Variants in RELCH observed in about 807,000 individuals in gnomAD.
The protein encoded by RELCH is RAB11-binding protein RELCH.
Under a neutral mutation model 150.3 loss-of-function variants are expected in RELCH, and 41 were observed. That is an observed-to-expected ratio of 0.27 (90% CI 0.21 to 0.35). The LOEUF is 0.35. Among genes scored for constraint, RELCH ranks in the 10% least tolerant of loss-of-function variants. The pLI, the probability that RELCH is intolerant of heterozygous loss-of-function variation, is 1.00. For synonymous variants in RELCH, 478 were observed against 531.8 expected, an observed-to-expected ratio of 0.90 and a Z score of 1.39; for missense variants, 1,092 against 1,467.8, an observed-to-expected ratio of 0.74 and a Z score of 4.18.
At chr18:62,285,154 C>G (rs1272006999) in intron 25 of RELCH, among the ~76,000 whole-genome samples, 1 of 146,668 alleles carries the variant, frequency 6.8e-6, no homozygotes, top group Non-Finnish European at 1.5e-5. Context: ...TTTGTTGTTT[C>G]TGAGGCAGAG....
At chr18:62,275,630 T>C in intron 22 of RELCH, 157 bp downstream of exon 22, 1 of 484,400 alleles carries the variant, frequency 2.1e-6, no homozygotes, top group Non-Finnish European at 3.6e-6. Flanking sequence ...TACTGTGTGA[T>C]GGGGCAGAAA....
At chr18:62,196,165 T>C (rs1009002016) in intron 1 of RELCH, among the ~76,000 whole-genome samples, 3 of 152,188 alleles carry the variant, frequency 2.0e-5, no homozygotes, top group African/African-American at 7.2e-5. Context: ...CTCTGTTAAG[T>C]TGGGATTGGA....
intron 27 of RELCH, 43 bp downstream of exon 27, chr18:62,291,674 C>A (rs1291506369): frequency 7.9e-7 from 1 of 1,262,620 alleles, no homozygotes; most frequent in Non-Finnish European, 1.1e-6. Context: ...TGTTTTAATA[C>A]CTCATATATA....
intron 27 of RELCH, among the ~76,000 whole-genome samples, chr18:62,298,549 A>T (rs1402671936): frequency 6.6e-6 from 1 of 152,216 alleles, no homozygotes; most frequent in Non-Finnish European, 1.5e-5. Context: ...AATAGAAAAC[A>T]TTTAGAAAGA....
chr18:62,221,006 CTG>C (rs765339924), intron 2 of RELCH, 29 bp from the exon 3 acceptor site: 2 of 1,560,002 alleles, frequency 1.3e-6, no homozygotes, highest in South Asian at 1.1e-5. Flanking sequence ...GGTTGGATGC[CTG>C]TGTGTGTTTA....
intron 20 of RELCH, among the ~76,000 whole-genome samples, chr18:62,271,428 T>A (rs546422188): frequency 1.3e-5 from 2 of 152,322 alleles, no homozygotes; most frequent in Admixed American, 1.3e-4. Flanking sequence ...ACACACTTTT[T>A]GATGGGGTTG....
intron 1 of RELCH, among the ~76,000 whole-genome samples, chr18:62,191,688 G>C (rs1224110831): frequency 6.6e-6 from 1 of 152,156 alleles, no homozygotes; most frequent in Non-Finnish European, 1.5e-5. Flanking sequence ...ATGGCTTCCA[G>C]CTCCATCTAT....
chr18:62,207,735 A>G (rs957201190), intron 1 of RELCH, among the ~76,000 whole-genome samples: 1 of 152,182 alleles, frequency 6.6e-6, no homozygotes, highest in African/African-American at 2.4e-5. Flanking sequence ...TTCTCTGTGC[A>G]TTTACAAAAT....
At chr18:62,228,067 C>G (rs1030211007) in intron 7 of RELCH, among the ~76,000 whole-genome samples, 1 of 151,920 alleles carries the variant, frequency 6.6e-6, no homozygotes, top group African/African-American at 2.4e-5. Flanking sequence ...ATTTAAGTGC[C>G]AATCAAAAGC....
chr18:62,249,408 C>A (rs1484640292), intron 11 of RELCH, among the ~76,000 whole-genome samples: 2 of 152,166 alleles, frequency 1.3e-5, no homozygotes, highest in African/African-American at 4.8e-5. Context: ...GCAGCCCTAA[C>A]ATGCAAGTCA....
At position 62,187,726 on chromosome 18, in the gene RELCH, A is replaced by G; in HGVS notation, c.221A>G (p.Glu74Gly). Reference protein sequence around the residue: ...GSSARPGLPGEASAAAVALGG... With the variant: ...GSSARPGLPGGASAAAVALGG... ...AGTGCGCGGCCAGGGCTCCCTGGGG[A>G]GGCGTCGGCGGCTGCAGTGGCCCTG... The change falls in exon 1 of 29, where the codon GAG becomes GGG. Residue 74 changes from glutamate (E) to glycine (G), a missense_variant. By Grantham distance (98) the Glu-to-Gly change is moderately conservative. This residue lies in a region of RELCH where 138 missense variants were observed against 124.8 expected (regional missense o/e 1.11). Transcript: ENST00000644646. 1.2e-6 allele frequency: 2 copies of G among 1,608,106 alleles called. No individual in the cohort carries two copies. Among genetic ancestry groups the G allele is most frequent in the Non-Finnish European group, 1.7e-6 (2 of 1,175,970 alleles).
chr18:62,274,389 G>C (rs1038924784), intron 21 of RELCH, among the ~76,000 whole-genome samples: 3 of 152,146 alleles, frequency 2.0e-5, no homozygotes, highest in Non-Finnish European at 2.9e-5. Context: ...TAGTTTCCCA[G>C]AACTGAAAAA....
rs191397505 is a variant in RELCH, at chr18:62,271,119, G to A, written c.2760+2171G>A. Among the ~76,000 whole-genome samples the A allele has an allele frequency of 1.9e-3, 283 of 152,276 alleles. 3 individuals are homozygous for A. The highest frequency in any genetic ancestry group is 6.5e-3 in the African/African-American group (271 of 41,554). On this transcript the variant is annotated intron_variant, in intron 20 of 28. Coordinates refer to ENST00000644646, the MANE Select transcript of RELCH (RefSeq NM_001346231.2). ...TGGGTATATACCCAGTAATGGGATC[G>A]TTGGGTCAAATGGTATTTCTAGTTC...
intron 10 of RELCH, among the ~76,000 whole-genome samples, chr18:62,239,821 T>TA (rs1381278775): frequency 3.9e-5 from 6 of 152,092 alleles, no homozygotes; most frequent in Non-Finnish European, 7.4e-5. Context: ...ATGTTTACGT[T>TA]ACCTTCTTGA....
intron 25 of RELCH, among the ~76,000 whole-genome samples, chr18:62,286,135 G>T (rs538672447): frequency 2.0e-5 from 3 of 152,126 alleles, no homozygotes; most frequent in Non-Finnish European, 4.4e-5. Context: ...AGGAGAAGAT[G>T]AAATAAAGGA....
chr18:62,211,876 A>G (rs1199292881), intron 2 of RELCH, among the ~76,000 whole-genome samples: 1 of 152,206 alleles, frequency 6.6e-6, no homozygotes, highest in Non-Finnish European at 1.5e-5. Flanking sequence ...ACCAACCATC[A>G]CAGCATGTCT....
rs1360444080 is a variant in RELCH, at chr18:62,296,809, TG to T, written c.3460-1980del. Among the ~76,000 whole-genome samples the T allele has an allele frequency of 2.0e-5, 3 of 152,226 alleles. No individual in the cohort carries two copies. The East Asian group carries it at 5.8e-4, about 29-fold the overall frequency. ...GTTGTTTTTTCTTCTGTTGATACAG[TG>T]TATTACATTAATTTATCTTGGAGTA... On this transcript the variant is annotated intron_variant, in intron 27 of 28. Transcript: ENST00000644646.
At chr18:62,279,900 A>C in intron 23 of RELCH, 44 bp downstream of exon 23, 1 of 1,258,362 alleles carries the variant, frequency 7.9e-7, no homozygotes, top group Non-Finnish European at 1.1e-6. Flanking sequence ...CCCTTTCAAA[A>C]TGTGCCTGTC....
At chr18:62,215,615 A>G (rs1255581266) in intron 2 of RELCH, among the ~76,000 whole-genome samples, 1 of 152,186 alleles carries the variant, frequency 6.6e-6, no homozygotes, top group Non-Finnish European at 1.5e-5. Context: ...AAAATATTTT[A>G]TTTAATCTTG....
Sources: gnomAD v4.1 joint callset for allele counts (sites outside exome capture counted in the v4.1 genomes callset) on GRCh38, gnomAD v4.1.1 for gene constraint, gnomAD v4.1.1 regional missense constraint, MANE v1.5 for transcripts, NCBI Gene and HGNC (gene_info 2026-07-23, HGNC 2026-07-21) for gene names.